Variants in BTBD1 observed in about 807,000 individuals in gnomAD.
BTBD1 encodes BTB domain containing 1, also known as BTB/POZ domain-containing protein 1.
BTBD1 carries 34 observed loss-of-function variants against 48.0 expected under a neutral mutation model. That is an observed-to-expected ratio of 0.71 (90% CI 0.54 to 0.94). BTBD1 has a LOEUF of 0.94. Ranked by LOEUF, BTBD1 falls within the 40% of genes least tolerant of loss-of-function variation. The pLI, the probability that BTBD1 is intolerant of heterozygous loss-of-function variation, is 0.00. For missense variants in BTBD1, 543 were observed against 625.6 expected (o/e 0.87, Z 1.41); for synonymous variants, 261 against 242.1 (o/e 1.08, Z -0.72).
At chr15:83,057,348 T>C (rs778312446) in intron 1 of BTBD1, among the ~76,000 whole-genome samples, 2 of 152,184 alleles carry the variant, frequency 1.3e-5, no homozygotes, top group Non-Finnish European at 1.5e-5. Context: ...CCTGCCTCTC[T>C]AAAAAGATGA....
At chr15:83,038,454 C>A (rs1007463205) in intron 4 of BTBD1, among the ~76,000 whole-genome samples, 1 of 152,122 alleles carries the variant, frequency 6.6e-6, no homozygotes. Flanking sequence ...GACTCAATAT[C>A]GTTCAAATGA....
At chr15:83,052,547 C>T (rs905069420) in intron 2 of BTBD1, among the ~76,000 whole-genome samples, 4 of 152,044 alleles carry the variant, frequency 2.6e-5, no homozygotes, top group African/African-American at 9.6e-5. Flanking sequence ...CCTTCTACTA[C>T]GGCATCTAGT....
Position 83,066,881 on chromosome 15 carries a change from G to C in BTBD1, c.271C>G (p.Pro91Ala). ...GCCGCCAGCACGAAGCGGTGGGCGG[G>C]GATGCGCTGCGGGCCCCCAGCGGCG... ...AAAAGGPQRI[P>A]AHRFVLAAGS... Residue 91 changes from proline (P) to alanine (A), a missense_variant, in exon 1 of 8, where the codon CCC becomes GCC. Physicochemically the swap from Pro to Ala is conservative, Grantham distance 27 (BLOSUM62 -1). This residue lies in a region of BTBD1 where 173 missense variants were observed against 163.9 expected (regional missense o/e 1.06). Transcript: ENST00000261721. The C allele has an allele frequency of 1.3e-6, 2 of 1,499,716 alleles. No individual in the cohort carries two copies. The highest frequency in any genetic ancestry group is 1.8e-6 in the Non-Finnish European group (2 of 1,128,032). 92.9% of individuals were successfully genotyped at this position (1,499,716 alleles called of 1,614,324 possible). A position where few individuals can be genotyped will look rare whatever the true frequency, so the allele number is the denominator to read the frequency against.
intron 3 of BTBD1, chr15:83,044,594 A>G: frequency 1.9e-6 from 3 of 1,594,360 alleles, no homozygotes; most frequent in Non-Finnish European, 2.6e-6. Context: ...AAGAAACCAC[A>G]GCTGATGGCA....
chr15:83,018,234 G>A lies in BTBD1; in HGVS notation c.1291-9C>T, dbSNP rs2032210761. ...TAGTGGGAATCTGGACCCTAAATGA[G>A]AACAAAAGGTTCCTTAGTAATTTTC... On this transcript the variant is annotated splice_polypyrimidine_tract_variant and intron_variant, in intron 7 of 7. Coordinates refer to ENST00000261721, the MANE Select transcript of BTBD1 (RefSeq NM_025238.4). 1 of 1,546,290 alleles carries A rather than the reference G, an allele frequency of 6.5e-7. No homozygotes were observed. Among genetic ancestry groups the A allele is most frequent in the African/African-American group, 1.4e-5 (1 of 72,486 alleles).
At position 83,040,713 on chromosome 15, in the gene BTBD1, A is replaced by C. The variant is rs1352972369; in HGVS notation, c.862+1015T>G. Reference sequence around the variant, plus strand: ...AGACCCTGTCTCAAAAAAAAAAAAAAAAAAAAAACCATGAGACTTTTCTTT... The same window carrying C: ...AGACCCTGTCTCAAAAAAAAAAAAACAAAAAAAACCATGAGACTTTTCTTT... On this transcript the variant is annotated intron_variant, in intron 4 of 7. Coordinates refer to ENST00000261721, the MANE Select transcript of BTBD1 (RefSeq NM_025238.4). Among the ~76,000 whole-genome samples the C allele has an allele frequency of 7.6e-5, 11 of 145,052 alleles. No homozygotes were observed. The South Asian group carries it at 1.7e-3, about 22-fold the overall frequency.
intron 1 of BTBD1, chr15:83,061,433 C>T (rs2033175045): frequency 2.6e-5 from 4 of 152,156 alleles, no homozygotes; most frequent in Admixed American, 2.6e-4. Flanking sequence ...AATAACTAAT[C>T]TCTAATGATG....
At chr15:83,033,559 A>C (rs1041227443) in intron 4 of BTBD1, among the ~76,000 whole-genome samples, 2 of 152,116 alleles carry the variant, frequency 1.3e-5, no homozygotes, top group African/African-American at 4.8e-5. Context: ...ATTGTGTAGA[A>C]AATTTTAATT....
chr15:83,062,264 T>C (rs1357106110), intron 1 of BTBD1, among the ~76,000 whole-genome samples: 1 of 152,128 alleles, frequency 6.6e-6, no homozygotes, highest in Admixed American at 6.5e-5. Flanking sequence ...ACAGGATGAA[T>C]GGAGAGAGTT....
intron 4 of BTBD1, among the ~76,000 whole-genome samples, chr15:83,034,775 C>T (rs1396345888): frequency 1.3e-5 from 2 of 151,934 alleles, no homozygotes; most frequent in African/African-American, 2.4e-5. Context: ...CAAAAGGAAA[C>T]ACATTCTCAA....
chr15:83,056,905 A>G (rs2033096784), intron 1 of BTBD1, among the ~76,000 whole-genome samples: 1 of 152,092 alleles, frequency 6.6e-6, no homozygotes, highest in Non-Finnish European at 1.5e-5. Context: ...CATATTGCCC[A>G]GACTGGTCTT....
chr15:83,016,918 T>C lies in BTBD1; in HGVS notation c.*1149A>G, dbSNP rs761597506. The stretch of plus-strand genomic sequence containing the variant: ...AATCACCTTCCACAACGATTTGATA[T>C]ACCTTAAACTCCACTTTCATTTTTT... On this transcript the variant is annotated 3_prime_UTR_variant, in exon 8 of 8. Transcript: ENST00000261721. The C allele has an allele frequency of 6.6e-6, 1 of 152,320 alleles. No homozygotes were observed. The highest frequency in any genetic ancestry group is 6.5e-5 in the Admixed American group (1 of 15,282). 9.4% of individuals were successfully genotyped at this position (152,320 alleles called of 1,614,324 possible). A position where few individuals can be genotyped will look rare whatever the true frequency, so the allele number is the denominator to read the frequency against.
At chr15:83,021,772 A>T (rs2032304396) in intron 5 of BTBD1, among the ~76,000 whole-genome samples, 1 of 94,942 alleles carries the variant, frequency 1.1e-5, no homozygotes, top group Admixed American at 1.0e-4. Flanking sequence ...ATAATAATAC[A>T]TATGGAACTA....
chr15:83,040,491 T>C lies in BTBD1; in HGVS notation c.862+1237A>G, dbSNP rs189418429. ...CCCGAGGTGGGCAGATCACCTGAGG[T>C]CAGGAGTTCAAGACCAGCTTGACAA... On this transcript the variant is annotated intron_variant, in intron 4 of 7. Transcript: ENST00000261721. Among the ~76,000 whole-genome samples, 208 of 151,908 alleles carry C rather than the reference T, an allele frequency of 1.4e-3. 1 individual carries two copies. The highest frequency in any genetic ancestry group is 4.8e-3 in the African/African-American group (198 of 41,428).
At chr15:83,059,961 A>G (rs1185917566) in intron 1 of BTBD1, among the ~76,000 whole-genome samples, 1 of 152,152 alleles carries the variant, frequency 6.6e-6, no homozygotes, top group Non-Finnish European at 1.5e-5. Flanking sequence ...TGTTTCTTAT[A>G]AGACATTTTA....
At chr15:83,036,589 A>T (rs2032635026) in intron 4 of BTBD1, among the ~76,000 whole-genome samples, 1 of 152,236 alleles carries the variant, frequency 6.6e-6, no homozygotes, top group South Asian at 2.1e-4. Flanking sequence ...TATATCCAAC[A>T]GAAATGTTTA....
chr15:83,025,227 G>T (rs1055024310), intron 5 of BTBD1, among the ~76,000 whole-genome samples: 6 of 151,702 alleles, frequency 4.0e-5, no homozygotes, highest in African/African-American at 1.5e-4. Flanking sequence ...GGTGGCAGAC[G>T]CCTGTAATCC....
intron 3 of BTBD1, among the ~76,000 whole-genome samples, chr15:83,046,245 AAAT>A (rs561955542): frequency 2.8e-4 from 42 of 152,270 alleles, no homozygotes; most frequent in African/African-American, 8.9e-4. Context: ...AAAAAAACAA[AAAT>A]AATAATAATA....
intron 4 of BTBD1, among the ~76,000 whole-genome samples, chr15:83,036,798 A>G (rs943789155): frequency 2.0e-5 from 3 of 152,218 alleles, no homozygotes; most frequent in African/African-American, 7.2e-5. Context: ...TAAGAGAAAG[A>G]AGCCACACAA....
Sources: gnomAD v4.1 joint callset for allele counts (sites outside exome capture counted in the v4.1 genomes callset) on GRCh38, gnomAD v4.1.1 for gene constraint, gnomAD v4.1.1 regional missense constraint, MANE v1.5 for transcripts, NCBI Gene and HGNC (gene_info 2026-07-23, HGNC 2026-07-21) for gene names.